Variants in ROBO1 observed in about 807,000 individuals in gnomAD.
ROBO1 encodes roundabout guidance receptor 1.
In ROBO1, 149 loss-of-function variants were observed where a neutral mutation model predicts 195.9. The observed-to-expected ratio is 0.76, with a 90% CI of 0.67 to 0.87. The LOEUF (loss-of-function observed/expected upper bound fraction) is 0.87. Ranked by LOEUF, ROBO1 falls within the 40% of genes least tolerant of loss-of-function variation. ROBO1 has a pLI of 0.00. For missense variants in ROBO1, 1,933 were observed against 2,068.3 expected (o/e 0.93, Z 1.27); for synonymous variants, 816 against 733.2 (o/e 1.11, Z -1.82).
At chr3:79,151,114 C>T (rs368009677) in intron 2 of ROBO1, among the ~76,000 whole-genome samples, 18 of 151,808 alleles carry the variant, frequency 1.2e-4, no homozygotes, top group Non-Finnish European at 2.5e-4. Flanking sequence ...TCTTGACTGC[C>T]GCCATGTAAG....
chr3:79,384,021 T>G (rs1202517662), intron 2 of ROBO1, among the ~76,000 whole-genome samples: 1 of 152,048 alleles, frequency 6.6e-6, no homozygotes, highest in Non-Finnish European at 1.5e-5. Context: ...TTTTTTTTCC[T>G]AACAGATGGG....
intron 2 of ROBO1, among the ~76,000 whole-genome samples, chr3:79,499,620 C>T (rs923666993): frequency 2.6e-5 from 4 of 151,968 alleles, no homozygotes; most frequent in East Asian, 1.9e-4. Flanking sequence ...GAATAAGATT[C>T]GAAACTTCTT....
At chr3:78,725,405 T>A (rs1197409904) in intron 5 of ROBO1, among the ~76,000 whole-genome samples, 1 of 152,306 alleles carries the variant, frequency 6.6e-6, no homozygotes, top group South Asian at 2.1e-4. Context: ...TGTCAAAATG[T>A]AAAAATTCTT....
intron 4 of ROBO1, among the ~76,000 whole-genome samples, chr3:78,787,926 C>CTTTTTTTTTTTTTT (rs71127358): frequency 2.8e-5 from 2 of 71,718 alleles, no homozygotes; most frequent in Non-Finnish European, 4.8e-5. Flanking sequence ...GACCCCTTCT[C>CTTTTTTTTTTTTTT]TTTTTTTTTT....
chr3:79,008,574 CATATAT>C (rs1197542674), intron 3 of ROBO1, among the ~76,000 whole-genome samples: 1 of 150,880 alleles, frequency 6.6e-6, no homozygotes, highest in Admixed American at 6.6e-5. Context: ...TACATATATA[CATATAT>C]ATATTTATGT....
chr3:79,528,629 T>A (rs1470117619), intron 2 of ROBO1, among the ~76,000 whole-genome samples: 2 of 152,188 alleles, frequency 1.3e-5, no homozygotes, highest in East Asian at 3.9e-4. Context: ...TGGAACCATG[T>A]CAAAAGTAAG....
chr3:78,890,070 G>A (rs541875043), intron 4 of ROBO1, among the ~76,000 whole-genome samples: 1 of 151,888 alleles, frequency 6.6e-6, no homozygotes, highest in African/African-American at 2.4e-5. Context: ...CATCAAACAT[G>A]GCATATATTT....
intron 27 of ROBO1, among the ~76,000 whole-genome samples, chr3:78,615,561 A>AC (rs1286201214): frequency 2.0e-5 from 3 of 152,196 alleles, no homozygotes; most frequent in African/African-American, 7.2e-5. Context: ...GGTGCCTTAC[A>AC]TAGATGCTGT....
intron 1 of ROBO1, among the ~76,000 whole-genome samples, chr3:79,733,251 T>C (rs1298558722): frequency 2.0e-5 from 3 of 152,228 alleles, no homozygotes; most frequent in African/African-American, 7.2e-5. Context: ...ATTATCTTCT[T>C]ATCTTCTATA....
intron 2 of ROBO1, among the ~76,000 whole-genome samples, chr3:79,504,188 T>A (rs1575931277): frequency 6.6e-6 from 1 of 152,280 alleles, no homozygotes; most frequent in South Asian, 2.1e-4. Flanking sequence ...GCATTATATT[T>A]GAAAAGATTC....
intron 2 of ROBO1, among the ~76,000 whole-genome samples, chr3:79,305,487 C>CAAAAAAAAAAAAAA (rs755731665): frequency 3.6e-5 from 2 of 55,704 alleles, no homozygotes; most frequent in African/African-American, 6.3e-5. Flanking sequence ...AACTCCATCT[C>CAAAAAAAAAAAAAA]AAAAAAAAAA....
intron 2 of ROBO1, among the ~76,000 whole-genome samples, chr3:79,501,650 TC>T (rs1290480126): frequency 1.6e-4 from 24 of 152,230 alleles, no homozygotes; most frequent in Non-Finnish European, 2.2e-4. Flanking sequence ...TCTGTCAAAT[TC>T]AGTTAAAAGA....
intron 3 of ROBO1, among the ~76,000 whole-genome samples, chr3:79,120,479 T>C (rs938597141): frequency 6.6e-6 from 1 of 152,198 alleles, no homozygotes; most frequent in Admixed American, 6.6e-5. Context: ...TTTGATATTC[T>C]CCAAGCTTTT....
intron 1 of ROBO1, among the ~76,000 whole-genome samples, chr3:79,670,920 C>G (rs964852341): frequency 6.6e-6 from 1 of 151,804 alleles, no homozygotes; most frequent in African/African-American, 2.4e-5. Flanking sequence ...ACAGGAAGAA[C>G]TAATGTAATT....
chr3:79,721,549 T>C (rs1038152932), intron 1 of ROBO1, among the ~76,000 whole-genome samples: 2 of 152,164 alleles, frequency 1.3e-5, no homozygotes, highest in South Asian at 2.1e-4. Context: ...TTAGCATATG[T>C]CTATGCTTAA....
intron 2 of ROBO1, among the ~76,000 whole-genome samples, chr3:79,156,993 A>G (rs897826680): frequency 1.3e-5 from 2 of 151,876 alleles, no homozygotes; most frequent in Non-Finnish European, 1.5e-5. Flanking sequence ...GTTCACTCTC[A>G]TCGGGTGGGG....
chr3:79,187,703 A>G (rs1186859869), intron 2 of ROBO1, among the ~76,000 whole-genome samples: 1 of 151,970 alleles, frequency 6.6e-6, no homozygotes, highest in Non-Finnish European at 1.5e-5. Context: ...ATATAATCTG[A>G]TCTGTAAAAT....
chr3:79,634,895 A>G (rs1179222882), intron 1 of ROBO1, among the ~76,000 whole-genome samples: 2 of 152,186 alleles, frequency 1.3e-5, no homozygotes, highest in Non-Finnish European at 2.9e-5. Flanking sequence ...ATTTGAATGT[A>G]GCTTTCCAAC....
At chr3:79,024,874 T>C (rs1397290784) in intron 3 of ROBO1, among the ~76,000 whole-genome samples, 1 of 150,114 alleles carries the variant, frequency 6.7e-6, no homozygotes, top group South Asian at 2.1e-4. Context: ...AGAAAGACCA[T>C]ATGTTTAAGT....
Sources: allele counts gnomAD v4.1 joint callset (sites outside exome capture counted in the v4.1 genomes callset), GRCh38; gene constraint gnomAD v4.1.1; transcripts MANE v1.5; gene names NCBI Gene and HGNC (gene_info 2026-07-23, HGNC 2026-07-21).